The following PHTF1 variants were observed in gnomAD, a reference collection of about 807,000 sequenced individuals.
The protein encoded by PHTF1 is putative homeodomain transcription factor 1.
Under a neutral mutation model 102.4 loss-of-function variants are expected in PHTF1, and 88 were observed. The observed-to-expected ratio is 0.86, with a 90% confidence interval of 0.72 to 1.03. The LOEUF (loss-of-function observed/expected upper bound fraction) is 1.03, where lower values mean the gene tolerates loss of function less well. Among genes scored for constraint, PHTF1 ranks in the 50% least tolerant of loss-of-function variants. The pLI is 0.00. For missense variants in PHTF1, 814 were observed against 909.5 expected, an observed-to-expected ratio of 0.89 and a Z score of 1.35; for synonymous variants, 289 against 305.2, an observed-to-expected ratio of 0.95 and a Z score of 0.55.
chr1:113,750,480 A>G (rs1294298090), intron 3 of PHTF1, among the ~76,000 whole-genome samples: 1 of 152,134 alleles, frequency 6.6e-6, no homozygotes, highest in African/African-American at 2.4e-5. Context: ...AATAAAACAC[A>G]CAAAAAAGAA....
chr1:113,710,249 C>T lies in PHTF1; in HGVS notation c.1269+5G>A, dbSNP rs202052386. On this transcript the variant is annotated splice_donor_5th_base_variant and intron_variant, in intron 11 of 18. Transcript: ENST00000369604. ...ACTAGCTATTCTTATCATGTCTGCA[C>T]AGACCTGCTGAAAAACATCCTCTTT... is the stretch of plus-strand genomic sequence containing the variant. The T allele has an allele frequency of 2.7e-4, 441 of 1,604,588 alleles. 1 individual carries two copies. Among genetic ancestry groups the T allele is most frequent in the Non-Finnish European group, 3.6e-4 (423 of 1,172,580 alleles).
intron 3 of PHTF1, among the ~76,000 whole-genome samples, chr1:113,740,243 GTC>G (rs1346085655): frequency 1.3e-5 from 2 of 150,558 alleles, no homozygotes; most frequent in Admixed American, 6.6e-5. Flanking sequence ...ATTTTTTTTT[GTC>G]TTTTTGATAA....
chr1:113,755,330 T>C (rs1325526371), intron 3 of PHTF1, among the ~76,000 whole-genome samples: 2 of 152,222 alleles, frequency 1.3e-5, no homozygotes, highest in Non-Finnish European at 2.9e-5. Flanking sequence ...CTCCCATCAC[T>C]ATCAGACTGT....
chr1:113,722,715 C>T (rs1178772618), intron 7 of PHTF1, among the ~76,000 whole-genome samples: 1 of 150,716 alleles, frequency 6.6e-6, no homozygotes, highest in Admixed American at 6.6e-5. Flanking sequence ...GAGTTTGAGA[C>T]CAGCCTGGCC....
chr1:113,717,207 T>TA (rs1429721751), intron 7 of PHTF1, among the ~76,000 whole-genome samples: 2 of 150,736 alleles, frequency 1.3e-5, no homozygotes, highest in Admixed American at 6.6e-5. Context: ...ACCCCCAAAT[T>TA]AAAAAAATAA....
At chr1:113,747,113 T>C (rs1055566026) in intron 3 of PHTF1, among the ~76,000 whole-genome samples, 5 of 152,250 alleles carry the variant, frequency 3.3e-5, no homozygotes, top group Non-Finnish European at 7.3e-5. Flanking sequence ...CTACACACTA[T>C]TAATGATTAC....
At chr1:113,716,890 T>C (rs1211856213) in intron 7 of PHTF1, among the ~76,000 whole-genome samples, 1 of 152,162 alleles carries the variant, frequency 6.6e-6, no homozygotes, top group East Asian at 1.9e-4. Context: ...TCATTAGTAA[T>C]AGTAAATACA....
chr1:113,702,597 T>C (rs1477250075), intron 15 of PHTF1, among the ~76,000 whole-genome samples: 1 of 151,744 alleles, frequency 6.6e-6, no homozygotes, highest in Non-Finnish European at 1.5e-5. Context: ...ATGAAAAATT[T>C]AAAAATTAGC....
chr1:113,729,664 C>T (rs1484819225), intron 5 of PHTF1, among the ~76,000 whole-genome samples: 1 of 152,082 alleles, frequency 6.6e-6, no homozygotes, highest in Non-Finnish European at 1.5e-5. Flanking sequence ...CATTGTGGGC[C>T]CCTTGTGCCA....
intron 1 of PHTF1, 40 bp downstream of exon 1, chr1:113,758,983 C>T (rs1176331494): frequency 9.3e-7 from 1 of 1,074,134 alleles, no homozygotes; most frequent in South Asian, 3.8e-5. Context: ...TGGAGTCGCC[C>T]GGCACCCGCC....
chr1:113,721,016 G>A (rs558618574), intron 7 of PHTF1, among the ~76,000 whole-genome samples: 1 of 152,194 alleles, frequency 6.6e-6, no homozygotes, highest in Non-Finnish European at 1.5e-5. Context: ...TCACACACAA[G>A]AATCACTTGA....
chr1:113,717,492 TACAC>T (rs988536164), intron 7 of PHTF1, among the ~76,000 whole-genome samples: 3 of 152,062 alleles, frequency 2.0e-5, no homozygotes, highest in Non-Finnish European at 4.4e-5. Flanking sequence ...TTATAAAAGA[TACAC>T]ACAGGCTGAA....
intron 7 of PHTF1, among the ~76,000 whole-genome samples, chr1:113,718,933 C>G (rs981349983): frequency 1.3e-5 from 2 of 152,204 alleles, no homozygotes; most frequent in African/African-American, 2.4e-5. Flanking sequence ...ATGTTAGGCT[C>G]CTTGCTACTT....
At chr1:113,740,636 C>T (rs192172669) in intron 3 of PHTF1, among the ~76,000 whole-genome samples, 1 of 152,126 alleles carries the variant, frequency 6.6e-6, no homozygotes, top group Admixed American at 6.5e-5. Context: ...AAATCTTTAC[C>T]CAGACCAATG....
chr1:113,706,858 T>TTC, intron 11 of PHTF1, 136 bp from the exon 12 acceptor site: 1 of 541,744 alleles, frequency 1.8e-6, no homozygotes, highest in Non-Finnish European at 3.1e-6. Flanking sequence ...TTTCTTTTTT[T>TTC]TTTTTTTTTT....
intron 7 of PHTF1, among the ~76,000 whole-genome samples, chr1:113,721,528 A>G (rs1652938342): frequency 6.6e-6 from 1 of 152,228 alleles, no homozygotes; most frequent in South Asian, 2.1e-4. Context: ...CAAGAGACAG[A>G]AATGAAAGGC....
At chr1:113,753,386 C>T (rs1658365886) in intron 3 of PHTF1, among the ~76,000 whole-genome samples, 1 of 151,910 alleles carries the variant, frequency 6.6e-6, no homozygotes, top group Non-Finnish European at 1.5e-5. Context: ...TTAATCAATT[C>T]CTTAGCAAAA....
At chr1:113,707,857 A>G (rs1650451403) in intron 11 of PHTF1, among the ~76,000 whole-genome samples, 1 of 152,234 alleles carries the variant, frequency 6.6e-6, no homozygotes, top group Non-Finnish European at 1.5e-5. Flanking sequence ...TGAAGGAAGC[A>G]TCACTCAAGC....
chr1:113,727,517 A>C (rs545269880), intron 5 of PHTF1, among the ~76,000 whole-genome samples: 1 of 152,370 alleles, frequency 6.6e-6, no homozygotes, highest in Non-Finnish European at 1.5e-5. Context: ...GACATTTAAA[A>C]GTAGAAAATT....
Sources: allele counts gnomAD v4.1 joint callset (sites outside exome capture counted in the v4.1 genomes callset), GRCh38; gene constraint gnomAD v4.1.1; transcripts MANE v1.5; gene names NCBI Gene and HGNC (gene_info 2026-07-23, HGNC 2026-07-21).